The following ERC1 variants were observed in gnomAD, a reference collection of about 807,000 sequenced individuals.
The protein encoded by ERC1 is ELKS/RAB6-interacting/CAST family member 1, also known as RAB6 interacting protein 2.
ERC1 carries 56 observed loss-of-function variants against 132.0 expected under a neutral mutation model. That is an observed-to-expected ratio of 0.42 (90% confidence interval 0.34 to 0.53). ERC1 has a LOEUF of 0.53. Ranked by LOEUF, ERC1 falls within the 20% of genes least tolerant of loss-of-function variation. The pLI is 0.03. For synonymous variants in ERC1, 478 were observed against 476.1 expected (o/e 1.00, Z -0.05); for missense variants, 1,202 against 1,349.9 (o/e 0.89, Z 1.72).
At chr12:1,043,298 C>T (rs1427010479) in intron 2 of ERC1, among the ~76,000 whole-genome samples, 1 of 152,072 alleles carries the variant, frequency 6.6e-6, no homozygotes, top group Non-Finnish European at 1.5e-5. Flanking sequence ...CTGCCTTGGC[C>T]TCCCAAAGTG....
intron 1 of ERC1, among the ~76,000 whole-genome samples, chr12:1,007,422 G>A (rs1388339730): frequency 6.6e-6 from 1 of 151,718 alleles, no homozygotes; most frequent in Non-Finnish European, 1.5e-5. Flanking sequence ...ATAGAGACGC[G>A]TACAGAGTTA....
chr12:1,026,219 G>T (rs888381707), intron 1 of ERC1, among the ~76,000 whole-genome samples: 5 of 152,208 alleles, frequency 3.3e-5, no homozygotes, highest in African/African-American at 1.2e-4. Context: ...TTGTGCAGGG[G>T]AACTCCAATT....
intron 17 of ERC1, among the ~76,000 whole-genome samples, chr12:1,420,579 C>G (rs2092384670): frequency 6.6e-6 from 1 of 152,104 alleles, no homozygotes; most frequent in African/African-American, 2.4e-5. Context: ...CCTTAGCCTC[C>G]CGAGTAGCTG....
chr12:1,222,975 A>G (rs2074289629), intron 12 of ERC1, among the ~76,000 whole-genome samples: 1 of 152,158 alleles, frequency 6.6e-6, no homozygotes. Flanking sequence ...AACAAACTGT[A>G]TTTTCCCTCA....
At chr12:1,443,188 C>T (rs2093208245) in intron 17 of ERC1, 3 of 152,130 alleles carry the variant, frequency 2.0e-5, no homozygotes, top group Non-Finnish European at 4.4e-5. Context: ...CGTGAGCCAC[C>T]ACACCCGGCC....
At chr12:1,128,853 A>G (rs971341080) in intron 7 of ERC1, among the ~76,000 whole-genome samples, 1 of 152,232 alleles carries the variant, frequency 6.6e-6, no homozygotes, top group Admixed American at 6.5e-5. Flanking sequence ...AAAACTCAGT[A>G]TATTAGTGTA....
intron 14 of ERC1, among the ~76,000 whole-genome samples, chr12:1,269,212 A>G (rs2077659842): frequency 6.6e-6 from 1 of 152,224 alleles, no homozygotes; most frequent in African/African-American, 2.4e-5. Context: ...AACCCAACAG[A>G]TAACATTTAA....
In ERC1 at chr12:1,412,615, C is replaced by CTCCAG. The variant is rs554611658; in HGVS notation, c.3024+4368_3024+4369insTCCAG. On this transcript the variant is annotated intron_variant, in intron 17 of 18. Transcript: ENST00000360905. ...TGTGGGGAGTAGATAAGTTGTGAGA[C>CTCCAG]ACGTGGACTCCAGAGCCAGACTGCA... is the stretch of plus-strand genomic sequence containing the variant. Among the ~76,000 whole-genome samples the CTCCAG allele has an allele frequency of 5.3e-5, 8 of 152,246 alleles. No homozygotes were observed. The South Asian group carries it at 1.5e-3, about 28-fold the overall frequency.
intron 8 of ERC1, among the ~76,000 whole-genome samples, chr12:1,149,296 GT>G (rs1566086676): frequency 2.0e-5 from 3 of 152,108 alleles, no homozygotes; most frequent in African/African-American, 4.8e-5. Context: ...TCTAGCTATA[GT>G]TTTACTGTTT....
intron 13 of ERC1, among the ~76,000 whole-genome samples, chr12:1,241,296 A>G (rs2075774460): frequency 1.3e-5 from 2 of 152,292 alleles, no homozygotes; most frequent in South Asian, 4.1e-4. Context: ...ATGATCTATT[A>G]TCTGAAATTT....
chr12:1,410,856 T>G (rs2091805024), intron 17 of ERC1, among the ~76,000 whole-genome samples: 1 of 152,110 alleles, frequency 6.6e-6, no homozygotes, highest in South Asian at 2.1e-4. Context: ...CTTTGCTCAT[T>G]GGCCTAAGTT....
chr12:1,129,414 A>T (rs1471574623), intron 7 of ERC1, among the ~76,000 whole-genome samples: 1 of 152,220 alleles, frequency 6.6e-6, no homozygotes, highest in Non-Finnish European at 1.5e-5. Flanking sequence ...CTGGCTACTC[A>T]GAAGTCGAAG....
chr12:1,274,480 T>TTTAATTTATTTA (rs1555340355), intron 14 of ERC1, among the ~76,000 whole-genome samples: 1 of 150,136 alleles, frequency 6.7e-6, no homozygotes, highest in African/African-American at 2.5e-5. Context: ...TTTTATTTTA[T>TTTAATTTATTTA]TTTATTTATT....
At chr12:1,455,500 G>C (rs1002474507) in intron 18 of ERC1, among the ~76,000 whole-genome samples, 1 of 152,162 alleles carries the variant, frequency 6.6e-6, no homozygotes, top group Non-Finnish European at 1.5e-5. Flanking sequence ...CAGGTCCAGG[G>C]GTTCTGCACT....
intron 18 of ERC1, among the ~76,000 whole-genome samples, chr12:1,462,836 C>G (rs2154422372): frequency 6.6e-6 from 1 of 152,308 alleles, no homozygotes; most frequent in East Asian, 1.9e-4. Context: ...AAAAAATACT[C>G]CGCCTCCAGT....
chr12:1,339,417 G>T (rs2083608610), intron 15 of ERC1, among the ~76,000 whole-genome samples: 1 of 142,164 alleles, frequency 7.0e-6, no homozygotes, highest in Non-Finnish European at 1.5e-5. Flanking sequence ...CTGTGACGGG[G>T]TGCTAGCAGG....
intron 15 of ERC1, among the ~76,000 whole-genome samples, chr12:1,296,559 A>G (rs1283529577): frequency 1.3e-5 from 2 of 151,884 alleles, no homozygotes; most frequent in African/African-American, 4.8e-5. Context: ...GATTACAGGC[A>G]TGCGCCATCA....
chr12:1,092,001 C>CTTTTTTTTT (rs34377863), intron 3 of ERC1, among the ~76,000 whole-genome samples: 1 of 138,060 alleles, frequency 7.2e-6, no homozygotes. Context: ...TTAATCAATT[C>CTTTTTTTTT]TTTTTTTTTT....
intron 2 of ERC1, among the ~76,000 whole-genome samples, chr12:1,049,747 CTTTT>C (rs35361881): frequency 1.0e-3 from 114 of 113,010 alleles, no homozygotes; most frequent in African/African-American, 3.6e-3. Flanking sequence ...GTTTTGTGAT[CTTTT>C]TTTTTTTTTT....
Sources: allele counts gnomAD v4.1 joint callset (sites outside exome capture counted in the v4.1 genomes callset), GRCh38; gene constraint gnomAD v4.1.1; transcripts MANE v1.5; gene names NCBI Gene and HGNC (gene_info 2026-07-23, HGNC 2026-07-21).